Variants in AKAIN1 observed in about 807,000 individuals in gnomAD.
AKAIN1 encodes A-kinase anchor inhibitor 1.
A neutral mutation model predicts 3.7 loss-of-function variants in AKAIN1; 3 were observed. The observed-to-expected ratio is 0.82, with a 90% CI of 0.37 to 2.12. The LOEUF is 2.12. Among genes scored for constraint, AKAIN1 ranks in the 30% most tolerant of loss-of-function variants. The probability of loss-of-function intolerance (pLI) is 0.06; values close to 1 mark genes in which losing one functional copy is unlikely to be tolerated. For missense variants in AKAIN1, 82 were observed against 82.7 expected, an observed-to-expected ratio of 0.99 and a Z score of 0.03; for synonymous variants, 31 against 30.8, an observed-to-expected ratio of 1.01 and a Z score of -0.02.
intron 1 of AKAIN1, among the ~76,000 whole-genome samples, chr18:5,165,062 T>C (rs2071160247): frequency 6.6e-6 from 1 of 152,018 alleles, no homozygotes; most frequent in African/African-American, 2.4e-5. Context: ...CTGTGTACAA[T>C]TGGTGTCTCT....
chr18:5,193,774 T>C (rs1047786773), intron 1 of AKAIN1, among the ~76,000 whole-genome samples: 16 of 152,186 alleles, frequency 1.1e-4, no homozygotes, highest in African/African-American at 3.9e-4. Context: ...GAGCACTGTA[T>C]TAGAAGTACA....
At position 5,145,264 on chromosome 18, in the gene AKAIN1, G is replaced by T; in HGVS notation, c.*298C>A. On this transcript the variant is annotated 3_prime_UTR_variant, in exon 2 of 2. Coordinates refer to ENST00000434239, the MANE Select transcript of AKAIN1 (RefSeq NM_001145194.2). ...GGCAGAAGTAAATAAACGAGACATA[G>T]AATTCTTTTTTTCAAATAAAAGAAC... is the stretch of plus-strand genomic sequence containing the variant. 2 of 257,986 alleles carry T rather than the reference G, an allele frequency of 7.8e-6. No homozygotes were observed. The highest frequency in any genetic ancestry group is 1.5e-4 in the East Asian group (2 of 13,056). 16.0% of individuals were successfully genotyped at this position (257,986 alleles called of 1,614,324 possible). A position where few individuals can be genotyped will look rare whatever the true frequency, so the allele number is the denominator to read the frequency against.
chr18:5,181,865 G>A (rs561460316), intron 1 of AKAIN1, among the ~76,000 whole-genome samples: 1 of 152,214 alleles, frequency 6.6e-6, no homozygotes, highest in East Asian at 1.9e-4. Context: ...GGATGGTAAT[G>A]TAGGTCCTAA....
intron 1 of AKAIN1, among the ~76,000 whole-genome samples, chr18:5,186,805 A>G (rs1472264389): frequency 2.0e-5 from 3 of 152,156 alleles, no homozygotes; most frequent in East Asian, 3.9e-4. Flanking sequence ...AACATACCTT[A>G]CCAAATTTAA....
At chr18:5,190,192 A>T (rs1197729250) in intron 1 of AKAIN1, among the ~76,000 whole-genome samples, 2 of 152,190 alleles carry the variant, frequency 1.3e-5, no homozygotes, top group East Asian at 3.8e-4. Context: ...TAGTGGTATT[A>T]ATCCACTTAT....
chr18:5,155,779 A>G (rs1000495366), intron 1 of AKAIN1, among the ~76,000 whole-genome samples: 1 of 152,152 alleles, frequency 6.6e-6, no homozygotes, highest in Admixed American at 6.5e-5. Flanking sequence ...CCAAGGTCCT[A>G]ATAGAATGCA....
rs1329035685 is a variant in AKAIN1, at chr18:5,197,189, C to A, written c.-136G>T. The A allele has an allele frequency of 3.4e-6, 5 of 1,456,686 alleles. No homozygotes were observed. The Admixed American group carries it at 9.5e-5, about 28-fold the overall frequency. 90.2% of individuals were successfully genotyped at this position (1,456,686 alleles called of 1,614,324 possible). A position where few individuals can be genotyped will look rare whatever the true frequency, so the allele number is the denominator to read the frequency against. The stretch of plus-strand genomic sequence containing the variant: ...GCGGCGGGCGGGGCGGTCAGCACCC[C>A]GGACAGCTCCCGCCGCTAGATCCTG... On this transcript the variant is annotated 5_prime_UTR_variant, in exon 1 of 2. Transcript: ENST00000434239. This position sits in a 1 kb window ranked among gnomAD's most constrained non-coding sequence, Gnocchi z 6.9.
intron 1 of AKAIN1, among the ~76,000 whole-genome samples, chr18:5,165,932 T>TA (rs1485296860): frequency 1.3e-5 from 2 of 152,066 alleles, no homozygotes; most frequent in Non-Finnish European, 2.9e-5. Context: ...GCCTCAACAC[T>TA]AACCTACTAA....
intron 1 of AKAIN1, among the ~76,000 whole-genome samples, chr18:5,168,135 AG>A (rs2071176885): frequency 6.6e-6 from 1 of 152,092 alleles, no homozygotes; most frequent in Non-Finnish European, 1.5e-5. Context: ...CTGTTACCAA[AG>A]GGGTAACAAT....
intron 1 of AKAIN1, among the ~76,000 whole-genome samples, chr18:5,169,610 G>A (rs773676646): frequency 9.9e-5 from 15 of 152,156 alleles, no homozygotes; most frequent in East Asian, 1.9e-4. Context: ...CCATTACCGC[G>A]GATAATGTTT....
At chr18:5,147,909 G>A (rs1456699092) in intron 1 of AKAIN1, among the ~76,000 whole-genome samples, 1 of 152,224 alleles carries the variant, frequency 6.6e-6, no homozygotes, top group East Asian at 1.9e-4. Flanking sequence ...CGAAGGCATA[G>A]CTATCAAGAA....
At chr18:5,169,975 A>T (rs1391120077) in intron 1 of AKAIN1, among the ~76,000 whole-genome samples, 1 of 152,112 alleles carries the variant, frequency 6.6e-6, no homozygotes, top group African/African-American at 2.4e-5. Flanking sequence ...TAACCATTTG[A>T]AATTCTACAC....
intron 1 of AKAIN1, among the ~76,000 whole-genome samples, chr18:5,168,726 GT>G (rs1267050277): frequency 6.6e-6 from 1 of 151,938 alleles, no homozygotes; most frequent in African/African-American, 2.4e-5. Context: ...AAACATTTAA[GT>G]TTGTAACAGA....
Position 5,145,534 on chromosome 18 carries a change from G to T in AKAIN1, c.*28C>A. 6.5e-7 allele frequency: 1 copy of T among 1,540,248 alleles called. No individual in the cohort carries two copies. The highest frequency in any genetic ancestry group is 8.8e-7 in the Non-Finnish European group (1 of 1,138,872). ...TACTAAGAGGAAGGCTAGAAACCAA[G>T]CACATGTCAAGAGCCAAATCCACCA... On this transcript the variant is annotated 3_prime_UTR_variant, in exon 2 of 2. Transcript: ENST00000434239.
chr18:5,167,793 C>G (rs2071175213), intron 1 of AKAIN1, among the ~76,000 whole-genome samples: 1 of 152,040 alleles, frequency 6.6e-6, no homozygotes, highest in African/African-American at 2.4e-5. Context: ...TTTCACCCCA[C>G]CAGCAGTGCT....
At chr18:5,192,664 A>G (rs971408493) in intron 1 of AKAIN1, among the ~76,000 whole-genome samples, 4 of 151,980 alleles carry the variant, frequency 2.6e-5, no homozygotes, top group African/African-American at 9.7e-5. Context: ...AAGCCATTCT[A>G]TCTACGGTAT....
At chr18:5,150,162 C>T (rs115368959) in intron 1 of AKAIN1, among the ~76,000 whole-genome samples, 2,846 of 152,302 alleles carry the variant, frequency 0.019, 81 homozygotes, top group African/African-American at 0.064. Flanking sequence ...AGTCTCTGTG[C>T]GGCATCACAC....
chr18:5,186,721 T>C (rs948577430), intron 1 of AKAIN1, among the ~76,000 whole-genome samples: 27 of 152,150 alleles, frequency 1.8e-4, no homozygotes, highest in African/African-American at 6.5e-4. Flanking sequence ...GCATTCCACC[T>C]GAAAGAGTAA....
Position 5,147,877 on chromosome 18 carries a change from A to T in AKAIN1, c.17-2122T>A, listed in dbSNP as rs572695884. Among the ~76,000 whole-genome samples, 6 of 152,324 alleles carry T rather than the reference A, an allele frequency of 3.9e-5. No homozygotes were observed. In the East Asian group the frequency reaches 9.7e-4, roughly 25 times the overall value. On this transcript the variant is annotated intron_variant, in intron 1 of 1. Transcript: ENST00000434239. ...CTGTGAAGTGACCAAGAAGAATAGA[A>T]ATTTTTCTATATGAAGAGTCACGAA... is the stretch of plus-strand genomic sequence containing the variant.
Sources: allele counts gnomAD v4.1 joint callset (sites outside exome capture counted in the v4.1 genomes callset), GRCh38; gene constraint gnomAD v4.1.1; non-coding constraint Gnocchi (gnomAD v3.1); transcripts MANE v1.5; gene names NCBI Gene and HGNC (gene_info 2026-07-23, HGNC 2026-07-21).